Variants in RCOR2 observed in about 807,000 individuals in gnomAD.
RCOR2 encodes REST corepressor 2.
RCOR2 carries 19 observed loss-of-function variants against 58.9 expected under a neutral mutation model. That is an observed-to-expected ratio of 0.32 (90% CI 0.23 to 0.47). RCOR2 has a LOEUF of 0.47. Among genes scored for constraint, RCOR2 ranks in the 20% least tolerant of loss-of-function variants. The pLI is 1.00. For synonymous variants in RCOR2, 286 were observed against 278.7 expected, an observed-to-expected ratio of 1.03 and a Z score of -0.26; for missense variants, 590 against 707.9, an observed-to-expected ratio of 0.83 and a Z score of 1.89.
At chr11:63,919,432 GC>G (rs1173369846), upstream of RCOR2, among the ~76,000 whole-genome samples, 1 of 152,022 alleles carries the variant, frequency 6.6e-6, no homozygotes, top group Non-Finnish European at 1.5e-5. Context: ...CCTCCCTGCC[GC>G]CCCGGGGCTG....
In RCOR2 at chr11:63,911,497, A is replaced by G. The variant is rs532306832; in HGVS notation, c.*368T>C. On this transcript the variant is annotated 3_prime_UTR_variant, in exon 12 of 12. Transcript: ENST00000301459. ...TAAAAGAAGGGAAAGAGGAATGAGA[A>G]CAGCCAGCACACCCAACTGCCCTCT... 8 of 169,112 alleles carry G rather than the reference A, an allele frequency of 4.7e-5. No homozygotes were observed. Among genetic ancestry groups the G allele is most frequent in the African/African-American group, 1.9e-4 (8 of 42,050 alleles). 10.5% of individuals were successfully genotyped at this position (169,112 alleles called of 1,614,324 possible).
rs551769817 is a variant in RCOR2, at chr11:63,911,511, C to T, written c.*354G>A. 1 of 184,174 alleles carries T rather than the reference C, an allele frequency of 5.4e-6. No individual in the cohort carries two copies. Among genetic ancestry groups the T allele is most frequent in the Admixed American group, 6.2e-5 (1 of 16,016 alleles). 11.4% of individuals were successfully genotyped at this position (184,174 alleles called of 1,614,324 possible). On this transcript the variant is annotated 3_prime_UTR_variant, in exon 12 of 12. Transcript: ENST00000301459. ...GAGGAATGAGAACAGCCAGCACACC[C>T]AACTGCCCTCTCCCCACTCCACGCT...
At chr11:63,920,583 G>A (rs1384984996), upstream of RCOR2, among the ~76,000 whole-genome samples, 3 of 152,190 alleles carry the variant, frequency 2.0e-5, no homozygotes, top group Admixed American at 6.5e-5. Flanking sequence ...GTTGGGGAGG[G>A]AGTGTGGTGG....
upstream of RCOR2, among the ~76,000 whole-genome samples, chr11:63,917,783 G>A (rs1344400542): frequency 2.0e-5 from 3 of 152,156 alleles, no homozygotes; most frequent in African/African-American, 7.2e-5. Flanking sequence ...TGAGGGATGG[G>A]GAGTGGGAGG....
At position 63,916,315 on chromosome 11, in the gene RCOR2, G is replaced by A. The variant is rs373728432; in HGVS notation, c.127+15C>T. 2 of 1,595,718 alleles carry A rather than the reference G, an allele frequency of 1.3e-6. No homozygotes were observed. Among genetic ancestry groups the A allele is most frequent in the African/African-American group, 2.7e-5 (2 of 74,588 alleles). On this transcript the variant is annotated intron_variant, in intron 1 of 11. Transcript: ENST00000301459. ...CCAGGCCGGCGCGCCTTTAACCCTA[G>A]GCCACCGGGCTCACCGTGCGAGTGC... is the stretch of plus-strand genomic sequence containing the variant.
intron 11 of RCOR2, 41 bp from the exon 12 acceptor site, chr11:63,912,220 C>A (rs1190220435): frequency 6.3e-7 from 1 of 1,598,788 alleles, no homozygotes; most frequent in African/African-American, 1.3e-5. Context: ...GCTCTTCCCG[C>A]CCTCAGCCCA....
upstream of RCOR2, among the ~76,000 whole-genome samples, chr11:63,919,236 T>G (rs1416639997): frequency 6.6e-6 from 1 of 151,786 alleles, no homozygotes; most frequent in African/African-American, 2.4e-5. Context: ...AAGAACCCCC[T>G]CATGGAGGGG....
In RCOR2 at chr11:63,916,826, C is replaced by T. The variant is rs144843394; in HGVS notation, c.-370G>A. 1 of 202,682 alleles carries T rather than the reference C, an allele frequency of 4.9e-6. No individual in the cohort carries two copies. Among genetic ancestry groups the T allele is most frequent in the East Asian group, 1.3e-4 (1 of 7,956 alleles). 12.6% of individuals were successfully genotyped at this position (202,682 alleles called of 1,614,324 possible). On this transcript the variant is annotated 5_prime_UTR_variant, in exon 1 of 12. Coordinates refer to ENST00000301459, the MANE Select transcript of RCOR2 (RefSeq NM_173587.4). ...GAACCCCACCGCCCACCTGCCCACG[C>T]CGTTCAGCGGCTGGGCGCTGGAGCG...
At position 63,916,826 on chromosome 11, in the gene RCOR2, C is replaced by G. The variant is rs144843394; in HGVS notation, c.-370G>C. On this transcript the variant is annotated 5_prime_UTR_variant, in exon 1 of 12. Transcript: ENST00000301459. ...GAACCCCACCGCCCACCTGCCCACG[C>G]CGTTCAGCGGCTGGGCGCTGGAGCG... The G allele has an allele frequency of 0.027, 5,506 of 202,796 alleles. 332 individuals are homozygous for G. Among genetic ancestry groups the G allele is most frequent in the African/African-American group, 0.12 (5,160 of 42,984 alleles). The allele number at this position is 202,796 out of a possible 1,614,324, so 12.6% of individuals were successfully genotyped here.
At chr11:63,927,330 G>T in the RCOR2 span, among the ~76,000 whole-genome samples, 2 of 152,066 alleles carry the variant, frequency 1.3e-5, no homozygotes, top group South Asian at 4.1e-4. Context: ...GAGTGCAGTG[G>T]CAAGATCACA....
chr11:63,914,313 C>A lies in RCOR2; in HGVS notation c.623G>T (p.Gly208Val). Residue 208 changes from glycine to valine, a missense_variant, in exon 7 of 12, where the codon GGT becomes GTT. By Grantham distance (109) the Gly-to-Val change is moderately radical (BLOSUM62 -3). Coordinates refer to ENST00000301459, the MANE Select transcript of RCOR2 (RefSeq NM_173587.4). ...DKEDSDELEEGRGGVSEGEPD... is the reference protein window; with the variant it reads ...DKEDSDELEEVRGGVSEGEPD... ...CTCTCCCTCACTCACGCCTCCTCGACCCTCTTCGAGCTCATCACTGCTGAC... is the reference window on the plus strand; with the variant it reads ...CTCTCCCTCACTCACGCCTCCTCGAACCTCTTCGAGCTCATCACTGCTGAC... 6.2e-7 allele frequency: 1 copy of A among 1,613,610 alleles called. No individual in the cohort carries two copies. The highest frequency in any genetic ancestry group is 1.3e-5 in the African/African-American group (1 of 75,006).
upstream of RCOR2, among the ~76,000 whole-genome samples, chr11:63,922,031 G>A (rs1006671157): frequency 2.0e-5 from 3 of 152,178 alleles, no homozygotes; most frequent in African/African-American, 7.2e-5. Flanking sequence ...GTTAGTTATT[G>A]AGGGAGTGGG....
Position 63,915,611 on chromosome 11 carries a change from T to C in RCOR2, c.128A>G (p.Asp43Gly), listed in dbSNP as rs1338586675. 4.6e-6 allele frequency: 6 copies of C among 1,303,320 alleles called. No homozygotes were observed. Among genetic ancestry groups the C allele is most frequent in the Non-Finnish European group, 6.0e-6 (6 of 994,780 alleles). The allele number at this position is 1,303,320 out of a possible 1,614,324, so 80.7% of individuals were successfully genotyped here. Reference sequence around the variant, plus strand: ...ATTGGTTCCAACGCGGATCATGCTGTCTGTGGAGCCAGGGGGAGGCAGTCA... The same window carrying C: ...ATTGGTTCCAACGCGGATCATGCTGCCTGTGGAGCCAGGGGGAGGCAGTCA... Reference protein sequence around the residue: ...DDSSEEEHSHDSMIRVGTNYQ... With the variant: ...DDSSEEEHSHGSMIRVGTNYQ... Residue 43 changes from aspartate (D) to glycine (G), a missense_variant and splice_region_variant, in exon 2 of 12, where the codon GAC (aspartate) becomes GGC (glycine). Physicochemically the swap from Asp to Gly is moderately conservative, Grantham distance 94. Coordinates refer to ENST00000301459, the MANE Select transcript of RCOR2 (RefSeq NM_173587.4).
rs773724764 is a variant in RCOR2, at chr11:63,914,404, C to T, written c.605+13G>A. 10 of 1,613,380 alleles carry T rather than the reference C, an allele frequency of 6.2e-6. No homozygotes were observed. The highest frequency in any genetic ancestry group is 8.5e-6 in the Non-Finnish European group (10 of 1,180,034). ...TACCTACCCCCATGCCCAGTGCTTG[C>T]TCCTGCCCCCACCTGTCTTCTTTGT... On this transcript the variant is annotated intron_variant, in intron 6 of 11. Transcript: ENST00000301459.
At position 63,912,018 on chromosome 11, in the gene RCOR2, G is replaced by A. The variant is rs1941770036; in HGVS notation, c.1419C>T (p.Gly473=). 6.8e-7 allele frequency: 1 copy of A among 1,460,876 alleles called. No individual in the cohort carries two copies. Among genetic ancestry groups the A allele is most frequent in the Non-Finnish European group, 9.0e-7 (1 of 1,111,218 alleles). 90.5% of individuals were successfully genotyped at this position (1,460,876 alleles called of 1,614,324 possible). Residue 473 remains glycine (G), a synonymous_variant, in exon 12 of 12, where the codon GGC becomes GGT. Coordinates refer to ENST00000301459, the MANE Select transcript of RCOR2 (RefSeq NM_173587.4). Reference sequence around the variant, plus strand: ...GGGCCAGCCGGGGCTGGAGGAAGCGGCCCTGCTGCAGTGGGGGTGGCTGTC... The same window carrying A: ...GGGCCAGCCGGGGCTGGAGGAAGCGACCCTGCTGCAGTGGGGGTGGCTGTC... The part of the protein sequence containing the change: ...LLRQPPPLQQ[G]RFLQPRLAPN...
chr11:63,923,315 C>T, the RCOR2 span, among the ~76,000 whole-genome samples: 2 of 151,952 alleles, frequency 1.3e-5, no homozygotes, highest in Admixed American at 1.3e-4. Flanking sequence ...CACCCCTGCA[C>T]CTCCCGTACC....
intron 8 of RCOR2, 75 bp from the exon 9 acceptor site, chr11:63,913,022 C>T (rs1941800225): frequency 7.9e-7 from 1 of 1,258,518 alleles, no homozygotes; most frequent in Non-Finnish European, 1.1e-6. Flanking sequence ...CAGGACCCTA[C>T]TTCTGCACAG....
chr11:63,916,777 G>A lies in RCOR2; in HGVS notation c.-321C>T, dbSNP rs1481509792. The A allele has an allele frequency of 7.3e-6, 2 of 273,416 alleles. No individual in the cohort carries two copies. Among genetic ancestry groups the A allele is most frequent in the Non-Finnish European group, 1.4e-5 (2 of 144,832 alleles). 16.9% of individuals were successfully genotyped at this position (273,416 alleles called of 1,614,324 possible). A position where few individuals can be genotyped will look rare whatever the true frequency, so the allele number is the denominator to read the frequency against. On this transcript the variant is annotated 5_prime_UTR_variant, in exon 1 of 12. Coordinates refer to ENST00000301459, the MANE Select transcript of RCOR2 (RefSeq NM_173587.4). Reference sequence around the variant, plus strand: ...GGGTTGGGGTTCCCCTGAAGTCGGGGCCCCCTGTCCTCGGGGCGCCCTGGA... The same window carrying A: ...GGGTTGGGGTTCCCCTGAAGTCGGGACCCCCTGTCCTCGGGGCGCCCTGGA...
At position 63,915,544 on chromosome 11, in the gene RCOR2, C is replaced by G; in HGVS notation, c.184+11G>C. On this transcript the variant is annotated intron_variant, in intron 2 of 11. Transcript: ENST00000301459. Reference sequence around the variant, plus strand: ...CCCCCACCCCACTTCACAGCCTGTCCTGCGGCTCACCAGGCTTGCACTCCG... The same window carrying G: ...CCCCCACCCCACTTCACAGCCTGTCGTGCGGCTCACCAGGCTTGCACTCCG... 6.4e-7 allele frequency: 1 copy of G among 1,556,242 alleles called. No individual in the cohort carries two copies. The highest frequency in any genetic ancestry group is 8.7e-7 in the Non-Finnish European group (1 of 1,149,130).
Sources: allele counts gnomAD v4.1 joint callset (sites outside exome capture counted in the v4.1 genomes callset), GRCh38; gene constraint gnomAD v4.1.1; transcripts MANE v1.5; gene names NCBI Gene and HGNC (gene_info 2026-07-23, HGNC 2026-07-21).